Variants in TNFRSF9 observed in about 807,000 individuals in gnomAD.
TNFRSF9 encodes TNF receptor superfamily member 9.
TNFRSF9 carries 16 observed loss-of-function variants against 28.8 expected under a neutral mutation model. The ratio of observed to expected loss-of-function variants is 0.55; its 90% CI spans 0.38 to 0.84. The LOEUF (loss-of-function observed/expected upper bound fraction) is 0.84. Among genes scored for constraint, TNFRSF9 ranks in the 40% least tolerant of loss-of-function variants. The pLI, the probability that TNFRSF9 is intolerant of heterozygous loss-of-function variation, is 0.00. For synonymous variants in TNFRSF9, 131 were observed against 117.0 expected (o/e 1.12, Z -0.77); for missense variants, 303 against 315.0 (o/e 0.96, Z 0.29).
At chr1:7,931,395 A>G (rs1420317833) in intron 7 of TNFRSF9, among the ~76,000 whole-genome samples, 4 of 152,252 alleles carry the variant, frequency 2.6e-5, no homozygotes, top group Non-Finnish European at 4.4e-5. Flanking sequence ...CAGTACTAGA[A>G]TAGGTGAACA....
chr1:7,932,982 G>A (rs1225837458), intron 7 of TNFRSF9, 180 bp downstream of exon 7: 2 of 666,498 alleles, frequency 3.0e-6, no homozygotes, highest in South Asian at 2.1e-5. Context: ...ACCACCGAGC[G>A]GTGAACACTG....
At chr1:7,932,707 A>G (rs1578075002) in intron 7 of TNFRSF9, among the ~76,000 whole-genome samples, 2 of 149,454 alleles carry the variant, frequency 1.3e-5, no homozygotes, top group South Asian at 4.2e-4. Flanking sequence ...ACACACGCAC[A>G]CACACACAGA....
chr1:7,936,213 C>T (rs1216277065), intron 5 of TNFRSF9, among the ~76,000 whole-genome samples: 1 of 152,042 alleles, frequency 6.6e-6, no homozygotes, highest in Non-Finnish European at 1.5e-5. Context: ...GTCAGGAGTG[C>T]GAGACCAGCC....
At chr1:7,927,610 T>G (rs778114610) in intron 7 of TNFRSF9, among the ~76,000 whole-genome samples, 10 of 151,256 alleles carry the variant, frequency 6.6e-5, no homozygotes, top group African/African-American at 1.2e-4. Flanking sequence ...GAGGCTGCAG[T>G]AAGCCATGAT....
intron 7 of TNFRSF9, among the ~76,000 whole-genome samples, chr1:7,930,843 A>G (rs978424974): frequency 6.6e-6 from 1 of 152,098 alleles, no homozygotes; most frequent in East Asian, 1.9e-4. Context: ...GTAGACCTCA[A>G]AAAAAGAATG....
chr1:7,926,296 G>A (rs1192149309), intron 7 of TNFRSF9, among the ~76,000 whole-genome samples: 1 of 152,192 alleles, frequency 6.6e-6, no homozygotes, highest in African/African-American at 2.4e-5. Context: ...ATTCGGTACA[G>A]TCACATGCCT....
intron 7 of TNFRSF9, among the ~76,000 whole-genome samples, chr1:7,923,463 C>T (rs1272760731): frequency 6.6e-6 from 1 of 152,184 alleles, no homozygotes; most frequent in African/African-American, 2.4e-5. Context: ...TCCTCCACCC[C>T]TGCCTGGCCG....
chr1:7,937,569 A>G (rs1639838411), intron 5 of TNFRSF9, 121 bp downstream of exon 5: 2 of 722,650 alleles, frequency 2.8e-6, no homozygotes, highest in Non-Finnish European at 4.8e-6. Flanking sequence ...GCTGCCTATT[A>G]GTATGTTACA....
intron 6 of TNFRSF9, 152 bp downstream of exon 6, chr1:7,934,861 G>A: frequency 1.0e-6 from 1 of 975,082 alleles, no homozygotes; most frequent in Non-Finnish European, 1.5e-6. Flanking sequence ...CAAATGCCTG[G>A]GAAGAAAACT....
At chr1:7,938,886 C>A in intron 2 of TNFRSF9, 58 bp from the exon 3 acceptor site, 1 of 1,223,630 alleles carries the variant, frequency 8.2e-7, no homozygotes, top group Non-Finnish European at 1.2e-6. Context: ...TCACCCAAGG[C>A]ATTCCGAAGT....
At chr1:7,937,830 T>C in intron 4 of TNFRSF9, 74 bp from the exon 5 acceptor site, 2 of 1,315,866 alleles carry the variant, frequency 1.5e-6, no homozygotes, top group Non-Finnish European at 2.2e-6. Flanking sequence ...GTGATGAACT[T>C]AATATAAGTC....
In TNFRSF9 at chr1:7,932,734, TAC is replaced by T. The variant is rs3841802; in HGVS notation, c.679+426_679+427del. 4.6e-3 allele frequency among the ~76,000 whole-genome samples: 674 copies of T among 148,106 alleles called. 7 individuals are homozygous for T. The highest frequency in any genetic ancestry group is 0.014 in the African/African-American group (564 of 40,656). On this transcript the variant is annotated intron_variant, in intron 7 of 7. Transcript: ENST00000377507. ...ACACACAGACACGCACACACACACATACACACACACACACACATACACATACA... is the reference window on the plus strand; with the variant it reads ...ACACACAGACACGCACACACACACATACACACACACACACATACACATACA...
chr1:7,924,035 G>A (rs1639600716), intron 7 of TNFRSF9, among the ~76,000 whole-genome samples: 1 of 151,948 alleles, frequency 6.6e-6, no homozygotes, highest in Non-Finnish European at 1.5e-5. Flanking sequence ...ATATATGATC[G>A]TGGTCCCATA....
chr1:7,921,370 AAAC>A (rs1639556219), intron 7 of TNFRSF9, among the ~76,000 whole-genome samples: 1 of 147,332 alleles, frequency 6.8e-6, no homozygotes, highest in South Asian at 2.2e-4. Context: ...AAACAAAACA[AAAC>A]AAAACAAAAA....
intron 7 of TNFRSF9, among the ~76,000 whole-genome samples, chr1:7,926,691 C>T (rs1476213217): frequency 6.6e-6 from 1 of 152,152 alleles, no homozygotes; most frequent in Non-Finnish European, 1.5e-5. Context: ...TTATGTATAA[C>T]TACAGTAATC....
intron 1 of TNFRSF9, among the ~76,000 whole-genome samples, chr1:7,940,502 C>T (rs9657956): frequency 0.045 from 6,920 of 152,264 alleles, 563 homozygotes; most frequent in African/African-American, 0.16. Context: ...ACTCTTCCCC[C>T]TTTAGCTGAA....
chr1:7,928,411 G>T (rs1284393838), intron 7 of TNFRSF9, among the ~76,000 whole-genome samples: 1 of 152,188 alleles, frequency 6.6e-6, no homozygotes, highest in Non-Finnish European at 1.5e-5. Context: ...TGGGTGCATG[G>T]TAAAACAAAC....
Position 7,920,629 on chromosome 1 carries a change from T to A in TNFRSF9, c.*206A>T. On this transcript the variant is annotated 3_prime_UTR_variant, in exon 8 of 8. Transcript: ENST00000377507. The stretch of plus-strand genomic sequence containing the variant: ...TGGTGCCACTGCACTCCAGCCTGGG[T>A]GACAGAGTGAGACCCTGTCAAAAAA... The A allele has an allele frequency of 2.0e-6, 1 of 495,546 alleles. No homozygotes were observed. The highest frequency in any genetic ancestry group is 3.7e-5 in the East Asian group (1 of 27,316). The allele number at this position is 495,546 out of a possible 1,614,324, so 30.7% of individuals were successfully genotyped here.
intron 2 of TNFRSF9, 44 bp downstream of exon 2, chr1:7,939,851 T>G: frequency 6.8e-7 from 1 of 1,476,510 alleles, no homozygotes; most frequent in Non-Finnish European, 9.4e-7. Flanking sequence ...TGAACCATAC[T>G]TCCAACAGAG....
Sources: gnomAD v4.1 joint callset for allele counts (sites outside exome capture counted in the v4.1 genomes callset) on GRCh38, gnomAD v4.1.1 for gene constraint, MANE v1.5 for transcripts, NCBI Gene and HGNC (gene_info 2026-07-23, HGNC 2026-07-21) for gene names.